The following CNPY3 variants were observed in gnomAD, a reference collection of about 807,000 sequenced individuals.
The protein encoded by CNPY3 is canopy FGF signaling regulator 3.
Under a neutral mutation model 32.0 loss-of-function variants are expected in CNPY3, and 20 were observed. The observed-to-expected ratio is 0.63, with a 90% CI of 0.44 to 0.91. CNPY3 has a LOEUF of 0.91. Ranked by LOEUF, CNPY3 falls within the 40% of genes least tolerant of loss-of-function variation. The pLI is 0.00. For missense variants in CNPY3, 299 were observed against 340.8 expected, an observed-to-expected ratio of 0.88 and a Z score of 0.97; for synonymous variants, 138 against 142.9, an observed-to-expected ratio of 0.97 and a Z score of 0.24.
intron 2 of CNPY3, 71 bp downstream of exon 2, chr6:42,934,669 C>G (rs1768088805): frequency 1.1e-5 from 17 of 1,597,042 alleles, no homozygotes; most frequent in Non-Finnish European, 1.5e-5. Context: ...GAGTTCCCTT[C>G]TCCTAGCTAG....
rs902233030 is a variant in CNPY3, at chr6:42,939,022, C to T, written c.*231C>T. 113 of 1,326,454 alleles carry T rather than the reference C, an allele frequency of 8.5e-5. No homozygotes were observed. Among genetic ancestry groups the T allele is most frequent in the Non-Finnish European group, 1.0e-4 (107 of 1,038,448 alleles). 82.2% of individuals were successfully genotyped at this position (1,326,454 alleles called of 1,614,324 possible). On this transcript the variant is annotated 3_prime_UTR_variant, in exon 6 of 6. Transcript: ENST00000372836. ...TTTCTCTCCTGACCCAGGGTTCAGG[C>T]AGGCCTTGTGGTTTCAGGACTGCAA... is the stretch of plus-strand genomic sequence containing the variant.
rs1406431527 is a variant in CNPY3 at position 42,934,489 on chromosome 6, G to A, written c.166G>A (p.Ala56Thr). ...CCCTCCCCCAGTGTGTAAATATGTT[G>A]CTGTGGAGCTGAAGTCAGCCTTTGA... Reference protein sequence around the residue: ...PSKCEVCKYVAVELKSAFEET... With the variant: ...PSKCEVCKYVTVELKSAFEET... Residue 56 changes from alanine to threonine, a missense_variant, in exon 2 of 6, where the codon GCT becomes ACT. Around this residue, in one of 2 missense-constraint regions of CNPY3, gnomAD observed 211 missense variants for 278.3 expected, o/e 0.76. Coordinates refer to ENST00000372836, the MANE Select transcript of CNPY3 (RefSeq NM_006586.5). 6.2e-7 allele frequency: 1 copy of A among 1,614,048 alleles called. No individual in the cohort carries two copies. The highest frequency in any genetic ancestry group is 1.7e-5 in the Admixed American group (1 of 60,002).
chr6:42,939,122 A>C lies in CNPY3; in HGVS notation c.*331A>C. 3 of 1,110,214 alleles carry C rather than the reference A, an allele frequency of 2.7e-6. No individual in the cohort carries two copies. Among genetic ancestry groups the C allele is most frequent in the Non-Finnish European group, 3.3e-6 (3 of 909,428 alleles). The allele number at this position is 1,110,214 out of a possible 1,614,324, so 68.8% of individuals were successfully genotyped here. A position where few individuals can be genotyped will look rare whatever the true frequency, so the allele number is the denominator to read the frequency against. ...GACTGGAGCCCCCTCCGGAGACCAA[A>C]CTCACCATCCCTCAGTCCTCCCCAA... On this transcript the variant is annotated 3_prime_UTR_variant, in exon 6 of 6. Transcript: ENST00000372836.
intron 3 of CNPY3, among the ~76,000 whole-genome samples, chr6:42,935,994 G>A (rs1474352567): frequency 4.0e-5 from 6 of 148,596 alleles, no homozygotes; most frequent in Non-Finnish European, 7.4e-5. Flanking sequence ...GCAGAAAGGT[G>A]GGGGTTTAGG....
At chr6:42,935,805 C>G (rs1768180248) in intron 3 of CNPY3, 135 bp downstream of exon 3, 1 of 1,035,970 alleles carries the variant, frequency 9.7e-7, no homozygotes, top group South Asian at 1.8e-5. Context: ...TCTTTGATTG[C>G]CGTTTGTGCT....
chr6:42,937,401 G>A (rs1172058651), intron 3 of CNPY3, among the ~76,000 whole-genome samples: 4 of 152,038 alleles, frequency 2.6e-5, no homozygotes, highest in Admixed American at 6.6e-5. Context: ...CTAGGAGTTC[G>A]AGACCAGCCT....
At chr6:42,929,472 G>A, upstream of CNPY3, 2 of 1,266,352 alleles carry the variant, frequency 1.6e-6, no homozygotes, top group East Asian at 2.6e-5. Context: ...TTGCTCGGAG[G>A]CACGTGTGCA....
At position 42,935,559 on chromosome 6, in the gene CNPY3, C is replaced by G; in HGVS notation, c.276-15C>G. ...TAGGAGGGGAACTCAGTTCCTCATC[C>G]TCCTGTCTTGGCAGGGACTTGCGGT... is the stretch of plus-strand genomic sequence containing the variant. On this transcript the variant is annotated splice_polypyrimidine_tract_variant and intron_variant, in intron 2 of 5. Transcript: ENST00000372836. 6.2e-7 allele frequency: 1 copy of G among 1,602,860 alleles called. No homozygotes were observed. The highest frequency in any genetic ancestry group is 8.5e-7 in the Non-Finnish European group (1 of 1,170,760).
chr6:42,929,706 C>A lies in CNPY3; in HGVS notation c.136C>A (p.Pro46Thr). The A allele has an allele frequency of 6.5e-7, 1 of 1,547,720 alleles. No homozygotes were observed. The highest frequency in any genetic ancestry group is 8.7e-7 in the Non-Finnish European group (1 of 1,145,004). Residue 46 changes from proline to threonine, a missense_variant, in exon 1 of 6, where the codon CCC (proline) becomes ACC (threonine). This residue lies in a region of CNPY3 where 88 missense variants were observed against 62.5 expected (regional missense o/e 1.41). Coordinates refer to ENST00000372836, the MANE Select transcript of CNPY3 (RefSeq NM_006586.5). ...GAEENDWVRLPSKCEVCKYVA... is the reference protein window; with the variant it reads ...GAEENDWVRLTSKCEVCKYVA... ...TGAGGAGAACGACTGGGTTCGCCTG[C>A]CCAGCAAATGCGAAGGTGAGGAGGC...
intron 2 of CNPY3, among the ~76,000 whole-genome samples, 172 bp downstream of exon 2, chr6:42,934,770 T>C (rs3763236): frequency 0.49 from 75,066 of 152,106 alleles, 18,673 homozygotes; most frequent in South Asian, 0.58. Context: ...TGCATAAATC[T>C]CTTAACTTCT....
rs761738758 is a variant in CNPY3 at position 42,938,763 on chromosome 6, TCACA to T, written c.814_817del (p.His272AlafsTer15). The T allele has an allele frequency of 2.5e-6, 4 of 1,613,014 alleles. No individual in the cohort carries two copies. Among genetic ancestry groups the T allele is most frequent in the Non-Finnish European group, 3.4e-6 (4 of 1,179,404 alleles). On this transcript the variant is annotated frameshift_variant, in exon 6 of 6. Transcript: ENST00000372836. LOFTEE classifies it high-confidence loss of function. ...GAGGGCATCCAGAAGGCATCCCCTCTCACACACAGCCCCCCTGATGAGCTCTGAG... is the reference window on the plus strand; with the variant it reads ...GAGGGCATCCAGAAGGCATCCCCTCTCACAGCCCCCCTGATGAGCTCTGAG...
At chr6:42,935,732 C>G in intron 3 of CNPY3, 62 bp downstream of exon 3, 1 of 1,540,712 alleles carries the variant, frequency 6.5e-7, no homozygotes, top group Non-Finnish European at 8.9e-7. Flanking sequence ...CTTAGTGTGT[C>G]TGCTGGTGTG....
intron 1 of CNPY3, 34 bp downstream of exon 1, chr6:42,929,755 C>T (rs762582478): frequency 1.3e-6 from 2 of 1,528,860 alleles, no homozygotes; most frequent in Non-Finnish European, 1.8e-6. Context: ...CGTATCCTGC[C>T]GGAGGGGCTG....
At position 42,934,508 on chromosome 6, in the gene CNPY3, C is replaced by T. The variant is rs1768070849; in HGVS notation, c.185C>T (p.Ala62Val). ...TATGTTGCTGTGGAGCTGAAGTCAGCCTTTGAGGAAACCGGCAAGACCAAG... is the reference window on the plus strand; with the variant it reads ...TATGTTGCTGTGGAGCTGAAGTCAGTCTTTGAGGAAACCGGCAAGACCAAG... The part of the protein sequence containing the change: ...CKYVAVELKS[A>V]FEETGKTKEV... The change falls in exon 2 of 6, where the codon GCC becomes GTC. Residue 62 changes from alanine to valine, a missense_variant. Coordinates refer to ENST00000372836, the MANE Select transcript of CNPY3 (RefSeq NM_006586.5). 1.9e-6 allele frequency: 3 copies of T among 1,614,058 alleles called. No homozygotes were observed. Among genetic ancestry groups the T allele is most frequent in the Non-Finnish European group, 2.5e-6 (3 of 1,179,996 alleles).
At chr6:42,937,918 C>T in intron 4 of CNPY3, 79 bp downstream of exon 4, 1 of 1,582,902 alleles carries the variant, frequency 6.3e-7, no homozygotes, top group Non-Finnish European at 8.6e-7. Context: ...CTGAGGAAGT[C>T]CACCCAGGCC....
At chr6:42,937,052 C>T (rs547144936) in intron 3 of CNPY3, among the ~76,000 whole-genome samples, 16 of 152,272 alleles carry the variant, frequency 1.1e-4, no homozygotes, top group South Asian at 1.0e-3. Context: ...CCTGCCTCAG[C>T]TATGCCTTTT....
chr6:42,939,166 GC>G lies in CNPY3; in HGVS notation c.*380del. On this transcript the variant is annotated 3_prime_UTR_variant, in exon 6 of 6. Coordinates refer to ENST00000372836, the MANE Select transcript of CNPY3 (RefSeq NM_006586.5). ...TCCCCAACAGGGTACTAGGACTGCA[GC>G]CCCCTGTAGCTCCTCTCTGCTTACC... 9.7e-7 allele frequency: 1 copy of G among 1,033,936 alleles called. No individual in the cohort carries two copies. Among genetic ancestry groups the G allele is most frequent in the African/African-American group, 1.7e-5 (1 of 58,936 alleles). The allele number at this position is 1,033,936 out of a possible 1,614,324, so 64.0% of individuals were successfully genotyped here.
intron 3 of CNPY3, among the ~76,000 whole-genome samples, chr6:42,936,390 C>T (rs141131649): frequency 0.019 from 2,862 of 152,152 alleles, 87 homozygotes; most frequent in African/African-American, 0.061. Flanking sequence ...TTTTTCATAG[C>T]AGGAAAAAAA....
chr6:42,930,563 C>T (rs926776816), intron 1 of CNPY3, among the ~76,000 whole-genome samples: 3 of 152,024 alleles, frequency 2.0e-5, no homozygotes, highest in African/African-American at 7.2e-5. Flanking sequence ...AGGGAGCTAC[C>T]AGCGAGCCAG....
Sources: gnomAD v4.1 joint callset for allele counts (sites outside exome capture counted in the v4.1 genomes callset) on GRCh38, gnomAD v4.1.1 for gene constraint, gnomAD v4.1.1 regional missense constraint, MANE v1.5 for transcripts, NCBI Gene and HGNC (gene_info 2026-07-23, HGNC 2026-07-21) for gene names.